ATF1: variants seen among roughly 807,000 people sequenced by gnomAD.
ATF1 encodes the protein cyclic AMP-dependent transcription factor ATF-1.
In ATF1, 16 loss-of-function variants were observed where a neutral mutation model predicts 34.7. The observed-to-expected ratio is 0.46, with a 90% CI of 0.31 to 0.70. The LOEUF (loss-of-function observed/expected upper bound fraction) is 0.70, where lower values mean the gene tolerates loss of function less well. Ranked by LOEUF, ATF1 falls within the 30% of genes least tolerant of loss-of-function variation. The probability of loss-of-function intolerance (pLI) is 0.05; values close to 1 mark genes in which losing one functional copy is unlikely to be tolerated. For missense variants in ATF1, 255 were observed against 321.6 expected, an observed-to-expected ratio of 0.79 and a Z score of 1.58; for synonymous variants, 105 against 113.1, an observed-to-expected ratio of 0.93 and a Z score of 0.46.
intron 2 of ATF1, among the ~76,000 whole-genome samples, chr12:50,789,719 CA>C (rs1269209743): frequency 6.6e-6 from 1 of 152,106 alleles, no homozygotes; most frequent in Non-Finnish European, 1.5e-5. Flanking sequence ...TGTGCCACTG[CA>C]CTCCAGCCTG....
intron 1 of ATF1, among the ~76,000 whole-genome samples, chr12:50,779,754 GT>G (rs1390572614): frequency 4.6e-5 from 7 of 151,940 alleles, no homozygotes; most frequent in African/African-American, 2.4e-5. Context: ...CTTAGGTATA[GT>G]TTTATTTATT....
intron 1 of ATF1, among the ~76,000 whole-genome samples, chr12:50,767,260 G>C (rs1325758833): frequency 1.3e-5 from 2 of 151,604 alleles, no homozygotes; most frequent in East Asian, 3.9e-4. Context: ...GCTCAGGCCT[G>C]TAATCCCAGC....
At chr12:50,811,524 C>G (rs983080059) in intron 4 of ATF1, among the ~76,000 whole-genome samples, 6 of 151,038 alleles carry the variant, frequency 4.0e-5, no homozygotes, top group Non-Finnish European at 8.8e-5. Flanking sequence ...TAGTTCATGT[C>G]CGTAATCTCA....
intron 4 of ATF1, among the ~76,000 whole-genome samples, chr12:50,812,786 CTGCACTCCAGCCTGGG>C (rs1209138263): frequency 6.6e-6 from 1 of 152,108 alleles, no homozygotes; most frequent in East Asian, 1.9e-4. Context: ...GACCACACCA[CTGCACTCCAGCCTGGG>C]TGACAAGTGA....
rs550467653 is a variant in ATF1 at position 50,820,100 on chromosome 12, A to AT, written c.*329dup. 1,314 of 253,254 alleles carry AT rather than the reference A, an allele frequency of 5.2e-3. 22 individuals are homozygous for AT. Among genetic ancestry groups the AT allele is most frequent in the African/African-American group, 0.027 (1,218 of 45,168 alleles). The allele number at this position is 253,254 out of a possible 1,614,324, so 15.7% of individuals were successfully genotyped here. On this transcript the variant is annotated 3_prime_UTR_variant, in exon 7 of 7. Coordinates refer to ENST00000262053, the MANE Select transcript of ATF1 (RefSeq NM_005171.5). ...GAGAAGATGAAATTTGATAAACTGA[A>AT]TTTTTTTTAAAAATCCATTTACCCT... is the stretch of plus-strand genomic sequence containing the variant.
Position 50,781,020 on chromosome 12 carries a change from TTAAAA to T in ATF1, c.93+785_93+789del, listed in dbSNP as rs149359914. 5.0e-3 allele frequency among the ~76,000 whole-genome samples: 754 copies of T among 151,852 alleles called. 1 individual carries two copies. The highest frequency in any genetic ancestry group is 0.018 in the African/African-American group (727 of 41,454). ...CAAGCAAAAAAGACTGTATAAAATG[TTAAAA>T]TATAAGAAAAGAAGGTGGACTTTAA... is the stretch of plus-strand genomic sequence containing the variant. On this transcript the variant is annotated intron_variant, in intron 2 of 6. Coordinates refer to ENST00000262053, the MANE Select transcript of ATF1 (RefSeq NM_005171.5).
At chr12:50,775,250 G>T (rs746642325) in intron 1 of ATF1, among the ~76,000 whole-genome samples, 2 of 151,802 alleles carry the variant, frequency 1.3e-5, no homozygotes, top group Non-Finnish European at 2.9e-5. Flanking sequence ...TATCTTTTTT[G>T]TAGGAAAGGT....
At chr12:50,796,135 C>T (rs537760809) in intron 3 of ATF1, 126 bp downstream of exon 3, 28 of 781,520 alleles carry the variant, frequency 3.6e-5, no homozygotes, top group South Asian at 1.3e-4. Flanking sequence ...GGTTGGCCCT[C>T]GCCTATAATC....
chr12:50,793,911 G>A (rs913966442), intron 2 of ATF1, among the ~76,000 whole-genome samples: 59 of 151,872 alleles, frequency 3.9e-4, no homozygotes, highest in Admixed American at 3.8e-3. Flanking sequence ...GATTTCTTAT[G>A]TCCCTTCTAA....
intron 3 of ATF1, among the ~76,000 whole-genome samples, chr12:50,799,163 C>G (rs1284501324): frequency 6.6e-6 from 1 of 152,078 alleles, no homozygotes; most frequent in East Asian, 1.9e-4. Context: ...GGTGGGAGGA[C>G]TACTTGAGTC....
chr12:50,782,845 A>G (rs1941100113), intron 2 of ATF1, among the ~76,000 whole-genome samples: 1 of 151,822 alleles, frequency 6.6e-6, no homozygotes, highest in Non-Finnish European at 1.5e-5. Context: ...GCCCACTGCC[A>G]CGACCAGCTA....
At chr12:50,782,194 T>C (rs1450282499) in intron 2 of ATF1, among the ~76,000 whole-genome samples, 1 of 152,178 alleles carries the variant, frequency 6.6e-6, no homozygotes, top group Non-Finnish European at 1.5e-5. Context: ...ACATAATTAA[T>C]GTAGAATCAG....
intron 1 of ATF1, among the ~76,000 whole-genome samples, chr12:50,777,707 C>T (rs376734765): frequency 2.7e-5 from 4 of 150,348 alleles, no homozygotes; most frequent in African/African-American, 9.8e-5. Flanking sequence ...GTTGAGCCTG[C>T]GAGGTCAAGG....
At chr12:50,763,778 C>A (rs1417997049), upstream of ATF1, 5 of 152,262 alleles carry the variant, frequency 3.3e-5, no homozygotes, top group Non-Finnish European at 7.3e-5. Context: ...GATGAAAACG[C>A]CCCCCGCGAG....
At chr12:50,816,778 T>C (rs1473876160) in intron 6 of ATF1, among the ~76,000 whole-genome samples, 1 of 151,694 alleles carries the variant, frequency 6.6e-6, no homozygotes, top group African/African-American at 2.4e-5. Context: ...GAGAATCACT[T>C]GAACCTGGAG....
chr12:50,812,569 C>T (rs956455773), intron 4 of ATF1, among the ~76,000 whole-genome samples: 3 of 152,170 alleles, frequency 2.0e-5, no homozygotes, highest in African/African-American at 4.8e-5. Flanking sequence ...TGTTGGATCA[C>T]GCCTGTAATC....
chr12:50,774,965 C>T (rs919772422), intron 1 of ATF1, among the ~76,000 whole-genome samples: 8 of 151,370 alleles, frequency 5.3e-5, no homozygotes, highest in Admixed American at 2.0e-4. Flanking sequence ...AGAATGGTGT[C>T]GATCTCCTGA....
chr12:50,795,017 T>C (rs565672255), intron 2 of ATF1, among the ~76,000 whole-genome samples: 3 of 152,326 alleles, frequency 2.0e-5, no homozygotes, highest in East Asian at 3.9e-4. Flanking sequence ...ATTGATGTAG[T>C]TTATAAAAAT....
chr12:50,790,436 G>T (rs1474090589), intron 2 of ATF1, among the ~76,000 whole-genome samples: 2 of 151,812 alleles, frequency 1.3e-5, no homozygotes, highest in African/African-American at 2.4e-5. Flanking sequence ...GAACTCCTGG[G>T]CTTCTCTTGT....
Sources: allele counts gnomAD v4.1 joint callset (sites outside exome capture counted in the v4.1 genomes callset), GRCh38; gene constraint gnomAD v4.1.1; transcripts MANE v1.5; gene names NCBI Gene and HGNC (gene_info 2026-07-23, HGNC 2026-07-21).